The following DNAAF9 variants were observed in gnomAD, a reference collection of about 807,000 sequenced individuals.
DNAAF9 encodes the protein shulin.
Under a neutral mutation model 167.0 loss-of-function variants are expected in DNAAF9, and 90 were observed. The ratio of observed to expected loss-of-function variants is 0.54; its 90% confidence interval spans 0.45 to 0.64. The LOEUF (loss-of-function observed/expected upper bound fraction) is 0.64, where lower values mean the gene tolerates loss of function less well. Among genes scored for constraint, DNAAF9 ranks in the 30% least tolerant of loss-of-function variants. The pLI, the probability that DNAAF9 is intolerant of heterozygous loss-of-function variation, is 0.00. For missense variants in DNAAF9, 1,315 were observed against 1,442.2 expected (o/e 0.91, Z 1.43); for synonymous variants, 491 against 508.8 (o/e 0.96, Z 0.47).
chr20:3,249,479 CA>C lies in DNAAF9; in HGVS notation c.*3092del, dbSNP rs2068168358. On this transcript the variant is annotated 3_prime_UTR_variant, in exon 37 of 37. Coordinates refer to ENST00000252032, the MANE Select transcript of DNAAF9 (RefSeq NM_001009984.3). ...AAATACTATGATAAGCAAAAAGCTTCAATCGCACAATTCAGTTTCACTGAAG... is the reference window on the plus strand; with the variant it reads ...AAATACTATGATAAGCAAAAAGCTTCATCGCACAATTCAGTTTCACTGAAG... 1 of 152,220 alleles carries C rather than the reference CA, an allele frequency of 6.6e-6. No homozygotes were observed. Among genetic ancestry groups the C allele is most frequent in the South Asian group, 2.1e-4 (1 of 4,836 alleles). 9.4% of individuals were successfully genotyped at this position (152,220 alleles called of 1,614,324 possible). A position where few individuals can be genotyped will look rare whatever the true frequency, so the allele number is the denominator to read the frequency against.
chr20:3,277,651 C>T (rs1339855474), intron 29 of DNAAF9, among the ~76,000 whole-genome samples: 1 of 151,988 alleles, frequency 6.6e-6, no homozygotes, highest in Non-Finnish European at 1.5e-5. Context: ...TCACCAGATC[C>T]TATTGACCCA....
intron 7 of DNAAF9, among the ~76,000 whole-genome samples, chr20:3,351,298 A>T (rs921498935): frequency 6.6e-6 from 1 of 152,190 alleles, no homozygotes; most frequent in Non-Finnish European, 1.5e-5. Context: ...AGCCTGGCCA[A>T]AGTGGAGAAA....
chr20:3,340,824 A>G, intron 9 of DNAAF9, 185 bp from the exon 10 acceptor site: 1 of 584,936 alleles, frequency 1.7e-6, no homozygotes. Flanking sequence ...CTCCCTACTG[A>G]CCCACAGGGA....
chr20:3,257,869 G>A (rs1044000935), intron 33 of DNAAF9, among the ~76,000 whole-genome samples: 2 of 152,036 alleles, frequency 1.3e-5, no homozygotes, highest in African/African-American at 2.4e-5. Flanking sequence ...CCTACAGTAG[G>A]TGGGTGTCCG....
intron 1 of DNAAF9, among the ~76,000 whole-genome samples, chr20:3,390,223 A>C (rs1003689623): frequency 2.6e-5 from 4 of 152,184 alleles, no homozygotes; most frequent in Non-Finnish European, 5.9e-5. Flanking sequence ...GTGAAATGTC[A>C]CAATGTCTGC....
intron 7 of DNAAF9, among the ~76,000 whole-genome samples, chr20:3,355,690 C>T (rs184392420): frequency 2.3e-4 from 35 of 152,198 alleles, no homozygotes; most frequent in Admixed American, 1.0e-3. Context: ...ATAGCAATTA[C>T]ACTAGTAGAT....
At chr20:3,307,889 TG>T (rs1473531809) in intron 20 of DNAAF9, among the ~76,000 whole-genome samples, 14 of 149,306 alleles carry the variant, frequency 9.4e-5, no homozygotes, top group Non-Finnish European at 4.4e-5. Flanking sequence ...TTATCACTGC[TG>T]GGGAAATTTA....
intron 21 of DNAAF9, among the ~76,000 whole-genome samples, chr20:3,299,550 G>C (rs2069146310): frequency 6.6e-6 from 1 of 152,088 alleles, no homozygotes; most frequent in South Asian, 2.1e-4. Context: ...AGCCTCAAGT[G>C]ATCTGCCCTC....
At chr20:3,359,231 C>T (rs1449537735) in intron 7 of DNAAF9, among the ~76,000 whole-genome samples, 1 of 152,270 alleles carries the variant, frequency 6.6e-6, no homozygotes, top group South Asian at 2.1e-4. Flanking sequence ...TCCAGTCCAA[C>T]AGAAAGAATG....
At chr20:3,310,385 G>GAAAGAAAGAAAGAAAGAA (rs1447352364) in intron 20 of DNAAF9, among the ~76,000 whole-genome samples, 4 of 150,766 alleles carry the variant, frequency 2.7e-5, no homozygotes, top group African/African-American at 4.9e-5. Flanking sequence ...AAGAAAGAAA[G>GAAAGAAAGAAAGAAAGAA]AAAGAATTCC....
intron 20 of DNAAF9, among the ~76,000 whole-genome samples, chr20:3,311,868 T>C (rs552401688): frequency 2.6e-5 from 4 of 152,206 alleles, no homozygotes; most frequent in African/African-American, 4.8e-5. Context: ...AGGACACGAA[T>C]GAATGGGAAG....
Position 3,294,157 on chromosome 20 carries a change from G to A in DNAAF9, c.2220C>T (p.His740=). The A allele has an allele frequency of 6.3e-7, 1 of 1,592,402 alleles. No homozygotes were observed. The highest frequency in any genetic ancestry group is 1.1e-5 in the South Asian group (1 of 90,664). ...LLQQAEINTT[H]RIESDKVIIS... ...CCTCTACCTTGTCACTTTCTATTCT[G>A]TGAGTAGTGTTGATTTCAGCTTGCT... Residue 740 remains histidine, a synonymous_variant, in exon 25 of 37, where the codon CAC becomes CAT. Coordinates refer to ENST00000252032, the MANE Select transcript of DNAAF9 (RefSeq NM_001009984.3).
intron 23 of DNAAF9, among the ~76,000 whole-genome samples, chr20:3,295,338 C>G (rs1212873236): frequency 6.6e-6 from 1 of 151,710 alleles, no homozygotes; most frequent in Non-Finnish European, 1.5e-5. Context: ...TATCACCATG[C>G]CCGGATAGTT....
intron 1 of DNAAF9, among the ~76,000 whole-genome samples, chr20:3,386,419 G>GATATCA (rs1380289078): frequency 6.6e-6 from 1 of 152,118 alleles, no homozygotes; most frequent in Non-Finnish European, 1.5e-5. Context: ...AGAATAACTG[G>GATATCA]ATATCTACGG....
chr20:3,272,615 A>C (rs573008330), intron 29 of DNAAF9, among the ~76,000 whole-genome samples: 1 of 152,150 alleles, frequency 6.6e-6, no homozygotes, highest in African/African-American at 2.4e-5. Context: ...TAATAGCTTT[A>C]AACTTTATCA....
chr20:3,353,116 T>TATAA (rs386393124), intron 7 of DNAAF9, among the ~76,000 whole-genome samples: 1 of 149,006 alleles, frequency 6.7e-6, no homozygotes, highest in Non-Finnish European at 1.5e-5. Context: ...CAGATATATA[T>TATAA]AACATATATA....
intron 21 of DNAAF9, among the ~76,000 whole-genome samples, chr20:3,299,766 T>A (rs1405156754): frequency 6.6e-6 from 1 of 152,246 alleles, no homozygotes; most frequent in Non-Finnish European, 1.5e-5. Context: ...AGCAAACTGT[T>A]AGGTCACTGT....
Position 3,300,591 on chromosome 20 carries a change from T to C in DNAAF9, c.1783-2416A>G, listed in dbSNP as rs556619868. 3.2e-3 allele frequency among the ~76,000 whole-genome samples: 486 copies of C among 151,302 alleles called. 3 individuals carry two copies. Among genetic ancestry groups the C allele is most frequent in the Middle Eastern group, 0.017 (5 of 292 alleles). Reference sequence around the variant, plus strand: ...TCACCTCTCAAGTAGCTTGGGACTATAGGCACCTGCCACCATGCCTCACTA... The same window carrying C: ...TCACCTCTCAAGTAGCTTGGGACTACAGGCACCTGCCACCATGCCTCACTA... On this transcript the variant is annotated intron_variant, in intron 21 of 36. Coordinates refer to ENST00000252032, the MANE Select transcript of DNAAF9 (RefSeq NM_001009984.3).
intron 36 of DNAAF9, 57 bp downstream of exon 36, chr20:3,253,669 A>C (rs952980281): frequency 2.9e-6 from 3 of 1,044,602 alleles, no homozygotes; most frequent in Non-Finnish European, 4.5e-6. Context: ...ACAGGGTCAC[A>C]CACTCCCAGC....
Sources: allele counts gnomAD v4.1 joint callset (sites outside exome capture counted in the v4.1 genomes callset), GRCh38; gene constraint gnomAD v4.1.1; transcripts MANE v1.5; gene names NCBI Gene and HGNC (gene_info 2026-07-23, HGNC 2026-07-21).